Variants in ZNF827 observed in about 807,000 individuals in gnomAD.
The protein encoded by ZNF827 is zinc finger protein 827.
Under a neutral mutation model 102.4 loss-of-function variants are expected in ZNF827, and 13 were observed. The ratio of observed to expected loss-of-function variants is 0.13; its 90% CI spans 0.08 to 0.20. The LOEUF (loss-of-function observed/expected upper bound fraction) is 0.20, where lower values mean the gene tolerates loss of function less well. ZNF827 is among the 10% of genes least tolerant of loss of function. The probability of loss-of-function intolerance (pLI) is 1.00; values close to 1 mark genes in which losing one functional copy is unlikely to be tolerated. For synonymous variants in ZNF827, 523 were observed against 536.2 expected, an observed-to-expected ratio of 0.98 and a Z score of 0.34; for missense variants, 1,103 against 1,344.4, an observed-to-expected ratio of 0.82 and a Z score of 2.81.
chr4:145,915,408 T>C (rs970164587), intron 1 of ZNF827, among the ~76,000 whole-genome samples: 2 of 151,878 alleles, frequency 1.3e-5, no homozygotes, highest in African/African-American at 4.8e-5. Context: ...GATGGCGCCA[T>C]TGCACTCCAA....
rs373312536 is a variant in ZNF827, at chr4:145,886,163, C to A, written c.1267-5G>T. 3.8e-6 allele frequency: 6 copies of A among 1,577,654 alleles called. No homozygotes were observed. The highest frequency in any genetic ancestry group is 5.2e-6 in the Non-Finnish European group (6 of 1,163,700). ...CCGATCCTGGTGCTGATGAACCTGA[C>A]GGAGAAGCAAGAAGAATGAGCTAGC... On this transcript the variant is annotated splice_polypyrimidine_tract_variant and splice_region_variant and intron_variant, in intron 3 of 14. Transcript: ENST00000508784.
intron 8 of ZNF827, among the ~76,000 whole-genome samples, chr4:145,787,464 GAAAAAA>G (rs35041321): frequency 1.2e-5 from 1 of 83,216 alleles, no homozygotes; most frequent in Non-Finnish European, 2.4e-5. Flanking sequence ...TCCGTCTCAG[GAAAAAA>G]AAAAAAAAAA....
At chr4:145,923,568 A>G (rs564750652) in intron 1 of ZNF827, among the ~76,000 whole-genome samples, 15 of 151,960 alleles carry the variant, frequency 9.9e-5, no homozygotes, top group Admixed American at 1.3e-4. Context: ...GCACCACTGC[A>G]CTCCAGCCTG....
rs550506666 is a variant in ZNF827 at position 145,848,787 on chromosome 4, C to G, written c.2221+535G>C. Among the ~76,000 whole-genome samples, 5 of 152,284 alleles carry G rather than the reference C, an allele frequency of 3.3e-5. No homozygotes were observed. In the South Asian group the frequency reaches 1.0e-3, roughly 32 times the overall value. Reference sequence around the variant, plus strand: ...TTTTCAATTGTAAGTATGTGCAGTACAAAAAGTTGGTTTACCGAAACTGTT... The same window carrying G: ...TTTTCAATTGTAAGTATGTGCAGTAGAAAAAGTTGGTTTACCGAAACTGTT... On this transcript the variant is annotated intron_variant, in intron 6 of 14. Transcript: ENST00000508784.
chr4:145,834,508 A>G (rs568154530), intron 7 of ZNF827, among the ~76,000 whole-genome samples: 1 of 151,436 alleles, frequency 6.6e-6, no homozygotes, highest in Non-Finnish European at 1.5e-5. Context: ...TCCCCTCCTC[A>G]CACCTGGTCC....
At chr4:145,875,807 G>A (rs1401154163) in intron 4 of ZNF827, among the ~76,000 whole-genome samples, 2 of 152,086 alleles carry the variant, frequency 1.3e-5, no homozygotes, top group African/African-American at 4.8e-5. Context: ...AGCCTGGAAG[G>A]GACTACAGAG....
In ZNF827 at chr4:145,938,283, C is replaced by A. The variant is rs564328692; in HGVS notation, c.43+82G>T. 7.1e-6 allele frequency: 11 copies of A among 1,548,390 alleles called. No individual in the cohort carries two copies. In the East Asian group the frequency reaches 2.2e-4, roughly 32 times the overall value. On this transcript the variant is annotated intron_variant, in intron 1 of 14. Coordinates refer to ENST00000508784, the MANE Select transcript of ZNF827 (RefSeq NM_001306215.2). ...TGTAACCCTAAACTAATGCAGAAAA[C>A]AACGGAGGAGGCTGCGGAGGGGAAA...
In ZNF827 at chr4:145,867,823, G is replaced by A. The variant is rs183339527; in HGVS notation, c.1981+2422C>T. On this transcript the variant is annotated intron_variant, in intron 5 of 14. Transcript: ENST00000508784. ...TTGGGGGTATCAGCCAAGGCAAACTGGTGGTGTAGCCCTGTCCAACTACAC... is the reference window on the plus strand; with the variant it reads ...TTGGGGGTATCAGCCAAGGCAAACTAGTGGTGTAGCCCTGTCCAACTACAC... 1.1e-3 allele frequency among the ~76,000 whole-genome samples: 164 copies of A among 152,186 alleles called. 2 individuals are homozygous for A. Among genetic ancestry groups the A allele is most frequent in the Non-Finnish European group, 1.1e-3 (75 of 68,036 alleles).
In ZNF827 at chr4:145,775,816, T is replaced by C; in HGVS notation, c.2666A>G (p.Asp889Gly). 1 of 1,614,210 alleles carries C rather than the reference T, an allele frequency of 6.2e-7. No individual in the cohort carries two copies. Among genetic ancestry groups the C allele is most frequent in the South Asian group, 1.1e-5 (1 of 91,078 alleles). Residue 889 changes from aspartate to glycine, a missense_variant, in exon 10 of 15, where the codon GAT becomes GGT. Around this residue, in one of 5 missense-constraint regions of ZNF827, gnomAD observed 242 missense variants for 361.9 expected, o/e 0.67. Transcript: ENST00000508784. ...IVSAVTSEGS[D>G]GKKHPYYYSC... The stretch of plus-strand genomic sequence containing the variant: ...GTAATAATAAGGATGTTTCTTCCCA[T>C]CACTGCCTTCAGAGGTGACGGCGCT...
chr4:145,811,861 C>G (rs1450855610), intron 8 of ZNF827, among the ~76,000 whole-genome samples: 1 of 152,038 alleles, frequency 6.6e-6, no homozygotes, highest in Non-Finnish European at 1.5e-5. Context: ...AAAAAAGGTT[C>G]TTTAAAACAT....
chr4:145,778,295 G>A (rs1021086160), intron 9 of ZNF827, among the ~76,000 whole-genome samples: 1 of 152,046 alleles, frequency 6.6e-6, no homozygotes, highest in Non-Finnish European at 1.5e-5. Flanking sequence ...CACCACATCC[G>A]TCTAATTTTT....
Position 145,765,480 on chromosome 4 carries a change from T to G in ZNF827, c.3052+67A>C. ...TTTTGACATCGCTCCTGTGCAGGGC[T>G]TATTCTCAAGAATGGGTCATCCTGG... On this transcript the variant is annotated intron_variant, in intron 12 of 14. Transcript: ENST00000508784. This position sits in a 1 kb window ranked among gnomAD's most constrained non-coding sequence, Gnocchi z 4.7. The G allele has an allele frequency of 6.5e-7, 1 of 1,531,544 alleles. No individual in the cohort carries two copies. Among genetic ancestry groups the G allele is most frequent in the African/African-American group, 1.4e-5 (1 of 72,638 alleles). The allele number at this position is 1,531,544 out of a possible 1,614,324, so 94.9% of individuals were successfully genotyped here.
chr4:145,851,045 AACAG>A (rs1746476529), intron 5 of ZNF827, among the ~76,000 whole-genome samples: 1 of 152,186 alleles, frequency 6.6e-6, no homozygotes, highest in Non-Finnish European at 1.5e-5. Context: ...GCCATGTGAA[AACAG>A]ACAGAGACTG....
chr4:145,874,430 G>A (rs1328990860), intron 4 of ZNF827, among the ~76,000 whole-genome samples: 2 of 152,028 alleles, frequency 1.3e-5, no homozygotes, highest in African/African-American at 2.4e-5. Flanking sequence ...AATAGAAGAC[G>A]TAAAAATAGA....
chr4:145,868,297 G>C (rs1345525985), intron 5 of ZNF827, among the ~76,000 whole-genome samples: 2 of 152,180 alleles, frequency 1.3e-5, no homozygotes, highest in East Asian at 3.8e-4. Flanking sequence ...TAAGGGTCAG[G>C]GCTGTGATGC....
chr4:145,796,583 C>A (rs1291926746), intron 8 of ZNF827, among the ~76,000 whole-genome samples: 2 of 151,342 alleles, frequency 1.3e-5, no homozygotes, highest in African/African-American at 2.4e-5. Flanking sequence ...GAGTCAAGCA[C>A]TCTGCTAAGA....
intron 7 of ZNF827, chr4:145,831,171 A>G (rs552725941): frequency 1.3e-5 from 2 of 152,322 alleles, no homozygotes; most frequent in Non-Finnish European, 2.9e-5. Context: ...GTGGGGGTGG[A>G]CAAGAGTGCC....
intron 1 of ZNF827, among the ~76,000 whole-genome samples, chr4:145,921,180 A>G (rs1579575004): frequency 6.6e-6 from 1 of 152,334 alleles, no homozygotes; most frequent in Admixed American, 6.5e-5. Flanking sequence ...AGAAAAGAAT[A>G]CGCCAAGAAA....
intron 5 of ZNF827, among the ~76,000 whole-genome samples, chr4:145,868,859 T>C (rs547330800): frequency 6.6e-6 from 1 of 152,158 alleles, no homozygotes; most frequent in Non-Finnish European, 1.5e-5. Context: ...AATGTGAAAG[T>C]GTATGCTATG....
Sources: gnomAD v4.1 joint callset for allele counts (sites outside exome capture counted in the v4.1 genomes callset) on GRCh38, gnomAD v4.1.1 for gene constraint, gnomAD v4.1.1 regional missense constraint, Gnocchi (gnomAD v3.1) non-coding constraint, MANE v1.5 for transcripts, NCBI Gene and HGNC (gene_info 2026-07-23, HGNC 2026-07-21) for gene names.